DCP1A: variants seen among roughly 807,000 people sequenced by gnomAD.
DCP1A encodes mRNA-decapping enzyme 1A.
DCP1A carries 20 observed loss-of-function variants against 58.0 expected under a neutral mutation model. The observed-to-expected ratio is 0.34, with a 90% CI of 0.24 to 0.50. The LOEUF is 0.50. DCP1A is among the 20% of genes least tolerant of loss of function. The pLI is 0.98. For synonymous variants in DCP1A, 285 were observed against 275.1 expected, an observed-to-expected ratio of 1.04 and a Z score of -0.36; for missense variants, 613 against 712.2, an observed-to-expected ratio of 0.86 and a Z score of 1.59.
chr3:53,304,517 T>TA (rs1707409279), intron 5 of DCP1A, among the ~76,000 whole-genome samples: 1 of 152,240 alleles, frequency 6.6e-6, no homozygotes, highest in African/African-American at 2.4e-5. Context: ...CTGTTATTTT[T>TA]ATCACCTTTT....
chr3:53,333,516 G>A (rs533676682), intron 3 of DCP1A, among the ~76,000 whole-genome samples: 30 of 152,012 alleles, frequency 2.0e-4, no homozygotes, highest in African/African-American at 7.0e-4. Context: ...AACTTTTATT[G>A]TCTGTGGCCA....
At chr3:53,317,401 G>A (rs1292065758) in intron 4 of DCP1A, among the ~76,000 whole-genome samples, 1 of 152,096 alleles carries the variant, frequency 6.6e-6, no homozygotes, top group African/African-American at 2.4e-5. Context: ...CCAATCTCAG[G>A]TGATCTGCCC....
Position 53,344,922 on chromosome 3 carries a change from C to T in DCP1A, c.156G>A (p.Gly52=). 1 of 1,606,208 alleles carries T rather than the reference C, an allele frequency of 6.2e-7. No homozygotes were observed. The highest frequency in any genetic ancestry group is 1.1e-5 in the South Asian group (1 of 90,016). ...CTTACCTTCGATATACGAATAAGGT[C>T]CCTTCTATATCAGTCTTCTCCTATG... is the stretch of plus-strand genomic sequence containing the variant. ...ANQWEKTDIE[G]TLFVYRRSAS... is the part of the protein sequence containing the mutation. The change falls in exon 2 of 10, where the codon GGG becomes GGA. Residue 52 remains glycine, a synonymous_variant. Coordinates refer to ENST00000610213, the MANE Select transcript of DCP1A (RefSeq NM_018403.7).
At chr3:53,290,457 T>C (rs1553685788) in intron 8 of DCP1A, among the ~76,000 whole-genome samples, 1 of 151,838 alleles carries the variant, frequency 6.6e-6, no homozygotes, top group Non-Finnish European at 1.5e-5. Flanking sequence ...TGCAGACGCC[T>C]CGAGATCCAC....
chr3:53,287,894 T>A (rs1206654446), intron 9 of DCP1A, among the ~76,000 whole-genome samples, 171 bp downstream of exon 9: 1 of 152,090 alleles, frequency 6.6e-6, no homozygotes, highest in Non-Finnish European at 1.5e-5. Context: ...TTTGTTTTTT[T>A]TTTGCCTGCC....
intron 6 of DCP1A, among the ~76,000 whole-genome samples, chr3:53,298,844 A>C (rs1456322968): frequency 6.6e-6 from 1 of 152,248 alleles, no homozygotes; most frequent in African/African-American, 2.4e-5. Flanking sequence ...CAGTGGTCCC[A>C]TAAGAATATA....
At chr3:53,309,369 CAAA>C (rs79989110) in intron 5 of DCP1A, among the ~76,000 whole-genome samples, 4 of 94,696 alleles carry the variant, frequency 4.2e-5, no homozygotes, top group Admixed American at 1.2e-4. Flanking sequence ...GACTCCATCT[CAAA>C]AAAAAAAAAA....
intron 6 of DCP1A, among the ~76,000 whole-genome samples, chr3:53,298,346 C>T (rs1274423552): frequency 6.6e-6 from 1 of 152,164 alleles, no homozygotes; most frequent in African/African-American, 2.4e-5. Flanking sequence ...TACTGCGAGG[C>T]CAGACAGATT....
intron 3 of DCP1A, 87 bp downstream of exon 3, chr3:53,342,057 A>G: frequency 8.2e-7 from 1 of 1,226,588 alleles, no homozygotes; most frequent in Non-Finnish European, 1.1e-6. Context: ...TTGTTTTGTA[A>G]TTTGAAACTT....
intron 6 of DCP1A, among the ~76,000 whole-genome samples, chr3:53,299,412 G>T (rs782138667): frequency 6.6e-6 from 1 of 152,120 alleles, no homozygotes; most frequent in Non-Finnish European, 1.5e-5. Context: ...TTTAGCTCAG[G>T]AAATGGCATT....
At chr3:53,315,741 G>GTTT (rs1553689168) in intron 4 of DCP1A, among the ~76,000 whole-genome samples, 12 of 75,688 alleles carry the variant, frequency 1.6e-4, no homozygotes, top group African/African-American at 2.6e-4. Context: ...AAATCAGTTT[G>GTTT]TTGTTTTTTT....
chr3:53,330,825 A>T (rs1016541051), intron 3 of DCP1A, among the ~76,000 whole-genome samples: 84 of 121,572 alleles, frequency 6.9e-4, no homozygotes, highest in East Asian at 2.3e-3. Context: ...ATATATATAT[A>T]TTTTTTTTTT....
Position 53,335,129 on chromosome 3 carries a change from A to T in DCP1A, c.304+7015T>A, listed in dbSNP as rs189088545. ...TGCACGCGCATGTGTATATATATAT[A>T]TTTTTTTTATTTTTATTTATTTATT... On this transcript the variant is annotated intron_variant, in intron 3 of 9. Transcript: ENST00000610213. Among the ~76,000 whole-genome samples the T allele has an allele frequency of 9.0e-3, 1,339 of 149,334 alleles. 45 individuals carry two copies. In the East Asian group the frequency reaches 0.12, roughly 13 times the overall value.
chr3:53,286,369 A>T lies in DCP1A; in HGVS notation c.*1211T>A, dbSNP rs1553685103. On this transcript the variant is annotated 3_prime_UTR_variant, in exon 10 of 10. Transcript: ENST00000610213. ...ATAGAAACGAAGACACTTTCATTCAAAGAATATCTTAAAATTACTATTGCT... is the reference window on the plus strand; with the variant it reads ...ATAGAAACGAAGACACTTTCATTCATAGAATATCTTAAAATTACTATTGCT... 6.6e-6 allele frequency: 1 copy of T among 152,266 alleles called. No homozygotes were observed. The highest frequency in any genetic ancestry group is 1.5e-5 in the Non-Finnish European group (1 of 68,040). The allele number at this position is 152,266 out of a possible 1,614,324, so 9.4% of individuals were successfully genotyped here.
At chr3:53,341,682 T>A (rs532913876) in intron 3 of DCP1A, among the ~76,000 whole-genome samples, 1 of 152,206 alleles carries the variant, frequency 6.6e-6, no homozygotes, top group East Asian at 1.9e-4. Flanking sequence ...TACAAAAGAA[T>A]GTTTCCAGTT....
intron 1 of DCP1A, among the ~76,000 whole-genome samples, chr3:53,345,845 C>T (rs1387065126): frequency 3.3e-5 from 5 of 152,056 alleles, no homozygotes; most frequent in African/African-American, 1.2e-4. Flanking sequence ...CTATAAGAAA[C>T]TGGTAATCAA....
chr3:53,293,711 T>C (rs983815643), intron 6 of DCP1A, among the ~76,000 whole-genome samples: 5 of 152,180 alleles, frequency 3.3e-5, no homozygotes, highest in African/African-American at 1.2e-4. Context: ...CTTCAGAAAG[T>C]CTGTAAGGCC....
intron 6 of DCP1A, among the ~76,000 whole-genome samples, chr3:53,297,245 T>C (rs1707157598): frequency 6.6e-6 from 1 of 152,178 alleles, no homozygotes; most frequent in African/African-American, 2.4e-5. Flanking sequence ...CCTATTAAAA[T>C]CTTTTACCCA....
intron 5 of DCP1A, 149 bp from the exon 6 acceptor site, chr3:53,304,439 G>T (rs1163975853): frequency 1.7e-6 from 1 of 585,356 alleles, no homozygotes; most frequent in Non-Finnish European, 3.0e-6. Context: ...GTACTCCAAT[G>T]TAAATAACAT....
Sources: allele counts gnomAD v4.1 joint callset (sites outside exome capture counted in the v4.1 genomes callset), GRCh38; gene constraint gnomAD v4.1.1; transcripts MANE v1.5; gene names NCBI Gene and HGNC (gene_info 2026-07-23, HGNC 2026-07-21).